PTPN13: variants seen among roughly 807,000 people sequenced by gnomAD.
PTPN13 encodes the protein protein tyrosine phosphatase non-receptor type 13.
In PTPN13, 191 loss-of-function variants were observed where a neutral mutation model predicts 284.0. The observed-to-expected ratio is 0.67, with a 90% CI of 0.60 to 0.76. The LOEUF (loss-of-function observed/expected upper bound fraction) is 0.76. PTPN13 is among the 30% of genes least tolerant of loss of function. PTPN13 has a pLI of 0.00. For missense variants in PTPN13, 2,797 were observed against 2,939.9 expected (o/e 0.95, Z 1.12); for synonymous variants, 986 against 1,022.3 (o/e 0.96, Z 0.68).
At chr4:86,760,603 T>C (rs1391176662) in intron 23 of PTPN13, among the ~76,000 whole-genome samples, 2 of 152,170 alleles carry the variant, frequency 1.3e-5, no homozygotes, top group Non-Finnish European at 2.9e-5. Flanking sequence ...ACTAGACAGA[T>C]TTTTAATTGT....
chr4:86,685,494 A>G (rs940004884), intron 3 of PTPN13, among the ~76,000 whole-genome samples: 1 of 152,176 alleles, frequency 6.6e-6, no homozygotes, highest in African/African-American at 2.4e-5. Flanking sequence ...CTTTAGTCCC[A>G]GCTATTTGAG....
rs1199317353 is a variant in PTPN13 at position 86,770,095 on chromosome 4, C to CT, written c.4705-6_4705-5insT. 1.9e-6 allele frequency: 3 copies of CT among 1,612,988 alleles called. No individual in the cohort carries two copies. In the African/African-American group the frequency reaches 4.0e-5, roughly 22 times the overall value. On this transcript the variant is annotated splice_polypyrimidine_tract_variant and splice_region_variant and intron_variant, in intron 29 of 47. Transcript: ENST00000411767. ...TACCTTCATTTGTCATTCATGGTAC[C>CT]CCCAGGAAGTCATATCTGCTCTCAG... is the stretch of plus-strand genomic sequence containing the variant.
intron 1 of PTPN13, among the ~76,000 whole-genome samples, chr4:86,597,760 T>C (rs1763950616): frequency 6.6e-6 from 1 of 152,196 alleles, no homozygotes; most frequent in Non-Finnish European, 1.5e-5. Flanking sequence ...TTTCTTAGGA[T>C]AAAAAGAGAA....
At chr4:86,751,942 TGTGC>T (rs1737434745) in intron 19 of PTPN13, among the ~76,000 whole-genome samples, 1 of 152,102 alleles carries the variant, frequency 6.6e-6, no homozygotes, top group African/African-American at 2.4e-5. Flanking sequence ...TGTGTGTGTG[TGTGC>T]ATGCACATGT....
At chr4:86,715,653 G>T (rs557390050) in intron 7 of PTPN13, among the ~76,000 whole-genome samples, 1 of 152,280 alleles carries the variant, frequency 6.6e-6, no homozygotes, top group Non-Finnish European at 1.5e-5. Flanking sequence ...ACCAAGCTAA[G>T]AAGTTTTTTT....
intron 2 of PTPN13, among the ~76,000 whole-genome samples, chr4:86,639,550 T>C (rs1050995263): frequency 1.3e-5 from 2 of 151,824 alleles, no homozygotes; most frequent in Non-Finnish European, 2.9e-5. Flanking sequence ...AAATTGGAAA[T>C]CATCATTCTC....
At chr4:86,640,407 A>G (rs1167584684) in intron 2 of PTPN13, among the ~76,000 whole-genome samples, 2 of 152,220 alleles carry the variant, frequency 1.3e-5, no homozygotes, top group African/African-American at 4.8e-5. Context: ...TGATGGCACT[A>G]TTCAGTCAAT....
intron 16 of PTPN13, among the ~76,000 whole-genome samples, chr4:86,742,379 T>C (rs1255491604): frequency 6.6e-6 from 1 of 152,210 alleles, no homozygotes; most frequent in African/African-American, 2.4e-5. Flanking sequence ...GATAAAGGCA[T>C]ATTTTGATTT....
At chr4:86,668,922 A>G (rs1315847006) in intron 2 of PTPN13, among the ~76,000 whole-genome samples, 1 of 151,562 alleles carries the variant, frequency 6.6e-6, no homozygotes, top group Non-Finnish European at 1.5e-5. Context: ...GTATTTTTTT[A>G]ACAAGCAAAA....
intron 3 of PTPN13, among the ~76,000 whole-genome samples, chr4:86,681,852 C>G (rs1193569954): frequency 6.6e-6 from 1 of 151,926 alleles, no homozygotes; most frequent in Non-Finnish European, 1.5e-5. Flanking sequence ...TTGCTTGAAC[C>G]CAGGAGGCGA....
At chr4:86,628,564 C>T (rs1321884233) in intron 1 of PTPN13, among the ~76,000 whole-genome samples, 1 of 138,264 alleles carries the variant, frequency 7.2e-6, no homozygotes, top group African/African-American at 2.7e-5. Context: ...AGGTTAGTTA[C>T]ATATGTATAC....
At chr4:86,664,885 C>G (rs1300726726) in intron 2 of PTPN13, among the ~76,000 whole-genome samples, 1 of 152,046 alleles carries the variant, frequency 6.6e-6, no homozygotes, top group Non-Finnish European at 1.5e-5. Context: ...AGACCTGCTT[C>G]CCTCTATCCA....
intron 3 of PTPN13, among the ~76,000 whole-genome samples, chr4:86,682,031 T>C (rs1330308384): frequency 2.0e-5 from 3 of 152,264 alleles, no homozygotes; most frequent in Admixed American, 2.0e-4. Context: ...TAGCTATTTA[T>C]ATTCTAATAC....
At position 86,635,234 on chromosome 4, in the gene PTPN13, G is replaced by A. The variant is rs1722878323; in HGVS notation, c.-5-18G>A. The A allele has an allele frequency of 1.0e-5, 16 of 1,574,116 alleles. No individual in the cohort carries two copies. The highest frequency in any genetic ancestry group is 1.4e-5 in the Non-Finnish European group (16 of 1,159,388). On this transcript the variant is annotated intron_variant, in intron 1 of 47. Coordinates refer to ENST00000411767, the MANE Select transcript of PTPN13 (RefSeq NM_080683.3). Reference sequence around the variant, plus strand: ...TAAGTTGCTGATGCATAGACCATCTGTTACCTTTGTTTCCCAGGTAATATG... The same window carrying A: ...TAAGTTGCTGATGCATAGACCATCTATTACCTTTGTTTCCCAGGTAATATG...
intron 10 of PTPN13, among the ~76,000 whole-genome samples, chr4:86,728,053 T>C (rs2149110783): frequency 6.7e-6 from 1 of 149,900 alleles, no homozygotes. Context: ...TCTTTATTTC[T>C]GCCTTCATTT....
intron 3 of PTPN13, among the ~76,000 whole-genome samples, chr4:86,673,812 A>G (rs539698311): frequency 5.9e-5 from 9 of 152,216 alleles, no homozygotes; most frequent in African/African-American, 2.2e-4. Context: ...GGTTCAAGCA[A>G]TTCTCCTGCC....
intron 1 of PTPN13, among the ~76,000 whole-genome samples, chr4:86,602,194 C>T (rs1764350556): frequency 6.6e-6 from 1 of 152,112 alleles, no homozygotes; most frequent in South Asian, 2.1e-4. Context: ...TTTAGAGAAA[C>T]AGTATAGTAT....
At chr4:86,782,170 C>T (rs2149309841) in intron 36 of PTPN13, 31 bp from the exon 37 acceptor site, 1 of 1,524,086 alleles carries the variant, frequency 6.6e-7, no homozygotes, top group Non-Finnish European at 9.1e-7. Context: ...TGGATTGGCT[C>T]ATCCCCTTAC....
At chr4:86,620,948 A>G (rs1452544921) in intron 1 of PTPN13, among the ~76,000 whole-genome samples, 1 of 152,176 alleles carries the variant, frequency 6.6e-6, no homozygotes, top group African/African-American at 2.4e-5. Context: ...TTGTTTAGGT[A>G]TCTGTTGTCG....
Sources: allele counts gnomAD v4.1 joint callset (sites outside exome capture counted in the v4.1 genomes callset), GRCh38; gene constraint gnomAD v4.1.1; transcripts MANE v1.5; gene names NCBI Gene and HGNC (gene_info 2026-07-23, HGNC 2026-07-21).